The following ANKFN1 variants were observed in gnomAD, a reference collection of about 807,000 sequenced individuals.
The protein encoded by ANKFN1 is ankyrin repeat and fibronectin type-III domain-containing protein 1.
A neutral mutation model predicts 108.7 loss-of-function variants in ANKFN1; 74 were observed. The ratio of observed to expected loss-of-function variants is 0.68; its 90% CI spans 0.56 to 0.83. The LOEUF is 0.83. Ranked by LOEUF, ANKFN1 falls within the 40% of genes least tolerant of loss-of-function variation. The pLI, the probability that ANKFN1 is intolerant of heterozygous loss-of-function variation, is 0.00. For missense variants in ANKFN1, 1,505 were observed against 1,382.3 expected (o/e 1.09, Z -1.41); for synonymous variants, 547 against 516.2 (o/e 1.06, Z -0.81).
chr17:56,406,518 A>G (rs1169425870), intron 8 of ANKFN1, among the ~76,000 whole-genome samples: 1 of 152,192 alleles, frequency 6.6e-6, no homozygotes, highest in Admixed American at 6.5e-5. Flanking sequence ...AGAGTCTTAA[A>G]TGACAGGAGT....
At chr17:56,159,836 G>C (rs1430531175) in intron 1 of ANKFN1, among the ~76,000 whole-genome samples, 1 of 152,008 alleles carries the variant, frequency 6.6e-6, no homozygotes, top group Admixed American at 6.6e-5. Flanking sequence ...TTTCCTGCAT[G>C]TTGTTAGAGC....
intron 8 of ANKFN1, among the ~76,000 whole-genome samples, chr17:56,410,233 G>A (rs189264781): frequency 8.7e-4 from 132 of 152,136 alleles, no homozygotes; most frequent in African/African-American, 2.8e-3. Context: ...GTGCCACCAC[G>A]CCCAGCTAAT....
intron 8 of ANKFN1, among the ~76,000 whole-genome samples, chr17:56,374,947 A>C (rs927662435): frequency 1.3e-5 from 2 of 152,176 alleles, no homozygotes; most frequent in African/African-American, 4.8e-5. Context: ...CAAGTCCCTC[A>C]ATTACTGTTT....
At chr17:56,367,614 G>C (rs1029980896) in intron 6 of ANKFN1, among the ~76,000 whole-genome samples, 2 of 152,180 alleles carry the variant, frequency 1.3e-5, no homozygotes, top group South Asian at 4.1e-4. Context: ...TTACCACACA[G>C]TCACAGACCC....
chr17:56,416,576 G>A (rs2145025870), intron 8 of ANKFN1, among the ~76,000 whole-genome samples: 1 of 152,308 alleles, frequency 6.6e-6, no homozygotes, highest in South Asian at 2.1e-4. Flanking sequence ...TGAGGATGTG[G>A]AGAAAAGGAA....
At chr17:56,064,445 C>T (rs1436004394) in intron 4 of ANKFN1, among the ~76,000 whole-genome samples, 1 of 152,204 alleles carries the variant, frequency 6.6e-6, no homozygotes, top group Non-Finnish European at 1.5e-5. Context: ...ATCGGAGTCC[C>T]TGCAGGGAAG....
rs543738968 is a variant in ANKFN1, at chr17:56,194,271, C to T, written c.-70-18327C>T. ...GCAATCACACTTCTTGGTATTTATC[C>T]TAAGGAGTTGGAAACTTATATCCAC... On this transcript the variant is annotated intron_variant, in intron 1 of 20. Coordinates refer to ENST00000682825, the MANE Select transcript of ANKFN1 (RefSeq NM_001370326.1). Among the ~76,000 whole-genome samples the T allele has an allele frequency of 2.0e-5, 3 of 152,236 alleles. No individual in the cohort carries two copies. The East Asian group carries it at 5.8e-4, about 29-fold the overall frequency.
chr17:56,179,747 G>A (rs1249806713), intron 1 of ANKFN1, among the ~76,000 whole-genome samples: 4 of 152,150 alleles, frequency 2.6e-5, no homozygotes, highest in African/African-American at 9.7e-5. Context: ...ACCTACATAG[G>A]AGTTCTCTAA....
chr17:56,259,109 T>G (rs1174681736), intron 3 of ANKFN1, among the ~76,000 whole-genome samples: 1 of 152,164 alleles, frequency 6.6e-6, no homozygotes, highest in Non-Finnish European at 1.5e-5. Context: ...GGTACTATTA[T>G]CTCCATTTTT....
At chr17:56,366,744 T>C (rs1484027484) in intron 6 of ANKFN1, among the ~76,000 whole-genome samples, 1 of 152,226 alleles carries the variant, frequency 6.6e-6, no homozygotes, top group Non-Finnish European at 1.5e-5. Flanking sequence ...CCATAGAGTC[T>C]GGCTGTGTGG....
Position 56,482,527 on chromosome 17 carries a change from A to G in ANKFN1, c.2260+3A>G. The G allele has an allele frequency of 6.2e-7, 1 of 1,610,702 alleles. No homozygotes were observed. Among genetic ancestry groups the G allele is most frequent in the South Asian group, 1.1e-5 (1 of 90,140 alleles). On this transcript the variant is annotated splice_donor_region_variant and intron_variant, in intron 18 of 20. Coordinates refer to ENST00000682825, the MANE Select transcript of ANKFN1 (RefSeq NM_001370326.1). Reference sequence around the variant, plus strand: ...CCCTCTTCAGATGTTTGAACTTGGTATAGTAGCTTGTTTCACCTAGAAATA... The same window carrying G: ...CCCTCTTCAGATGTTTGAACTTGGTGTAGTAGCTTGTTTCACCTAGAAATA...
In ANKFN1 at chr17:56,165,208, G is replaced by A. The variant is rs190218104; in HGVS notation, c.-71+11678G>A. ...CAAATGCAGATTCCTTTAGGGTCAC[G>A]TAGGACCTGTTTCTTGCTATACCAT... On this transcript the variant is annotated intron_variant, in intron 1 of 20. Transcript: ENST00000682825. Among the ~76,000 whole-genome samples the A allele has an allele frequency of 5.3e-5, 8 of 152,306 alleles. No individual in the cohort carries two copies. The East Asian group carries it at 9.7e-4, about 18-fold the overall frequency.
chr17:56,511,098 C>T lies in ANKFN1; in HGVS notation c.3270C>T (p.Leu1090=), dbSNP rs1484100451. The T allele has an allele frequency of 6.5e-7, 1 of 1,536,026 alleles. No homozygotes were observed. The highest frequency in any genetic ancestry group is 8.7e-7 in the Non-Finnish European group (1 of 1,146,848). ...LQDARPSVRR[L]YVEPYAAAVV... is the part of the protein sequence containing the mutation. The stretch of plus-strand genomic sequence containing the variant: ...ACGCGAGGCCTTCCGTCCGCCGCCT[C>T]TACGTGGAGCCCTACGCAGCGGCCG... The change falls in exon 21 of 21, where the codon CTC becomes CTT. Residue 1090 remains leucine, a synonymous_variant. Coordinates refer to ENST00000682825, the MANE Select transcript of ANKFN1 (RefSeq NM_001370326.1).
chr17:56,339,162 A>G (rs1253778088), intron 4 of ANKFN1, among the ~76,000 whole-genome samples: 1 of 132,022 alleles, frequency 7.6e-6, no homozygotes, highest in East Asian at 2.4e-4. Context: ...TTGTAAATTA[A>G]ATTGTTTTCT....
chr17:56,171,154 G>T (rs34998987), intron 1 of ANKFN1, among the ~76,000 whole-genome samples: 19,006 of 151,868 alleles, frequency 0.13, 1,439 homozygotes, highest in East Asian at 0.3. Flanking sequence ...TGGCCTCAGG[G>T]CTTCACTAGG....
intron 3 of ANKFN1, among the ~76,000 whole-genome samples, chr17:56,282,754 G>C (rs1333875117): frequency 6.6e-6 from 1 of 151,928 alleles, no homozygotes; most frequent in African/African-American, 2.4e-5. Flanking sequence ...TGCTAGGAGT[G>C]ATCTGTATCT....
At chr17:56,311,251 C>A (rs2045016850) in intron 3 of ANKFN1, among the ~76,000 whole-genome samples, 1 of 152,116 alleles carries the variant, frequency 6.6e-6, no homozygotes, top group African/African-American at 2.4e-5. Context: ...AAAGTATTGG[C>A]TCTGCCACCT....
intron 4 of ANKFN1, among the ~76,000 whole-genome samples, chr17:56,064,413 C>A (rs1016383899): frequency 6.6e-6 from 1 of 152,216 alleles, no homozygotes; most frequent in Non-Finnish European, 1.5e-5. Context: ...TGGGTTCTGT[C>A]CCTGAGCCTC....
rs113476775 is a variant in ANKFN1, at chr17:56,226,273, G to A, written c.13-1644G>A. On this transcript the variant is annotated intron_variant, in intron 2 of 20. Transcript: ENST00000682825. ...TTAGTGACACATGTGAGATCTTGTC[G>A]GGTCAAACTATAGAATCCATCTAAG... 4.6e-3 allele frequency among the ~76,000 whole-genome samples: 699 copies of A among 152,078 alleles called. 5 individuals are homozygous for A. The highest frequency in any genetic ancestry group is 0.016 in the African/African-American group (651 of 41,482).
Sources: allele counts gnomAD v4.1 joint callset (sites outside exome capture counted in the v4.1 genomes callset), GRCh38; gene constraint gnomAD v4.1.1; transcripts MANE v1.5; gene names NCBI Gene and HGNC (gene_info 2026-07-23, HGNC 2026-07-21).